The following SUPT20H variants were observed in gnomAD, a reference collection of about 807,000 sequenced individuals.
The protein encoded by SUPT20H is transcription factor SPT20 homolog.
SUPT20H carries 82 observed loss-of-function variants against 122.8 expected under a neutral mutation model. That is an observed-to-expected ratio of 0.67 (90% CI 0.56 to 0.80). SUPT20H has a LOEUF of 0.80. Among genes scored for constraint, SUPT20H ranks in the 30% least tolerant of loss-of-function variants. SUPT20H has a pLI of 0.00. For missense variants in SUPT20H, 831 were observed against 921.6 expected, an observed-to-expected ratio of 0.90 and a Z score of 1.27; for synonymous variants, 291 against 313.0, an observed-to-expected ratio of 0.93 and a Z score of 0.74.
intron 20 of SUPT20H, 147 bp downstream of exon 20, chr13:37,021,864 G>T: frequency 1.0e-6 from 1 of 965,550 alleles, no homozygotes; most frequent in Non-Finnish European, 1.5e-6. Context: ...AAACATACAT[G>T]GTCAGGCAGC....
chr13:37,048,163 T>C lies in SUPT20H; in HGVS notation c.40-227A>G, dbSNP rs924728267. 4.6e-5 allele frequency among the ~76,000 whole-genome samples: 7 copies of C among 152,200 alleles called. 1 individual carries two copies. The highest frequency in any genetic ancestry group is 3.8e-4 in the East Asian group (2 of 5,198). ...TATTTCATTGCCATAAGCAAAATCA[T>C]AGTTTCACAACCATGACTTCACAGG... On this transcript the variant is annotated intron_variant, in intron 3 of 25. Coordinates refer to ENST00000350612, the MANE Select transcript of SUPT20H (RefSeq NM_001014286.3).
chr13:37,021,444 T>G lies in SUPT20H; in HGVS notation c.1816+4A>C. ...TTAGAGGTTATTATTTCCAACATTCTGACCTGCTTGAGAAGCTGCCTGCAT... is the reference window on the plus strand; with the variant it reads ...TTAGAGGTTATTATTTCCAACATTCGGACCTGCTTGAGAAGCTGCCTGCAT... On this transcript the variant is annotated splice_donor_region_variant and intron_variant, in intron 21 of 25. Coordinates refer to ENST00000350612, the MANE Select transcript of SUPT20H (RefSeq NM_001014286.3). 6.2e-7 allele frequency: 1 copy of G among 1,601,276 alleles called. No homozygotes were observed. Among genetic ancestry groups the G allele is most frequent in the Admixed American group, 1.7e-5 (1 of 57,482 alleles).
rs1364400750 is a variant in SUPT20H at position 37,059,638 on chromosome 13, T to G, written c.-173A>C. The G allele has an allele frequency of 2.0e-5, 3 of 152,288 alleles. No homozygotes were observed. Among genetic ancestry groups the G allele is most frequent in the Non-Finnish European group, 4.4e-5 (3 of 68,064 alleles). The allele number at this position is 152,288 out of a possible 1,614,324, so 9.4% of individuals were successfully genotyped here. ...AAAGCCCACCCGCCCCGTCGGCGGCTCAGTGCTGCACCCCCACCAACAGCC... is the reference window on the plus strand; with the variant it reads ...AAAGCCCACCCGCCCCGTCGGCGGCGCAGTGCTGCACCCCCACCAACAGCC... On this transcript the variant is annotated 5_prime_UTR_variant, in exon 1 of 26. Coordinates refer to ENST00000350612, the MANE Select transcript of SUPT20H (RefSeq NM_001014286.3).
chr13:37,011,059 C>T (rs1357664105), intron 24 of SUPT20H, among the ~76,000 whole-genome samples: 2 of 152,140 alleles, frequency 1.3e-5, no homozygotes, highest in Non-Finnish European at 2.9e-5. Context: ...TTGCTTTAAA[C>T]AAAAGATGCT....
At chr13:37,058,160 G>A (rs557289913) in intron 1 of SUPT20H, among the ~76,000 whole-genome samples, 5 of 152,098 alleles carry the variant, frequency 3.3e-5, no homozygotes, top group South Asian at 2.1e-4. Context: ...CAGCTACTCC[G>A]GAGGCTGAGG....
intron 1 of SUPT20H, among the ~76,000 whole-genome samples, chr13:37,056,240 T>G (rs2068996279): frequency 6.6e-6 from 1 of 152,190 alleles, no homozygotes; most frequent in South Asian, 2.1e-4. Context: ...AGAAATACCA[T>G]TTGACCCAGC....
intron 23 of SUPT20H, chr13:37,013,972 C>T (rs909436442): frequency 6.6e-6 from 1 of 151,948 alleles, no homozygotes; most frequent in African/African-American, 2.4e-5. Flanking sequence ...CAAAGCACTC[C>T]ACAAACCTAA....
chr13:37,044,492 G>C (rs1319178699), intron 6 of SUPT20H, among the ~76,000 whole-genome samples: 1 of 152,016 alleles, frequency 6.6e-6, no homozygotes, highest in Non-Finnish European at 1.5e-5. Context: ...GTTCACTGAA[G>C]ACCAATTAAT....
At chr13:37,056,979 C>G (rs1344492423) in intron 1 of SUPT20H, 1 of 152,152 alleles carries the variant, frequency 6.6e-6, no homozygotes, top group Non-Finnish European at 1.5e-5. Context: ...CTCACTCTGC[C>G]TAGCAAAGGA....
intron 23 of SUPT20H, among the ~76,000 whole-genome samples, chr13:37,014,565 G>A (rs111435088): frequency 6.6e-6 from 1 of 152,064 alleles, no homozygotes; most frequent in East Asian, 1.9e-4. Context: ...ACTGCAGAAA[G>A]ATATTTGGAA....
chr13:37,034,576 T>A (rs1333963682), intron 9 of SUPT20H, among the ~76,000 whole-genome samples: 1 of 152,204 alleles, frequency 6.6e-6, no homozygotes, highest in African/African-American at 2.4e-5. Flanking sequence ...GCTGTCTCCA[T>A]AACACAAAAG....
intron 1 of SUPT20H, 135 bp downstream of exon 1, chr13:37,059,424 C>T (rs1478694311): frequency 6.6e-6 from 1 of 152,340 alleles, no homozygotes; most frequent in African/African-American, 2.4e-5. Context: ...CCCGGCCTGC[C>T]GGGTCTCTGG....
At chr13:37,026,640 A>G (rs765192750) in intron 15 of SUPT20H, 150 bp downstream of exon 15, 1 of 506,766 alleles carries the variant, frequency 2.0e-6, no homozygotes, top group Non-Finnish European at 3.4e-6. Flanking sequence ...GTTACTATTA[A>G]TGTCTACATA....
At position 37,059,554 on chromosome 13, in the gene SUPT20H, C is replaced by T. The variant is rs986931630; in HGVS notation, c.-94+5G>A. 6.6e-6 allele frequency: 1 copy of T among 152,524 alleles called. No homozygotes were observed. Among genetic ancestry groups the T allele is most frequent in the African/African-American group, 2.4e-5 (1 of 41,482 alleles). The allele number at this position is 152,524 out of a possible 1,614,324, so 9.4% of individuals were successfully genotyped here. A position where few individuals can be genotyped will look rare whatever the true frequency, so the allele number is the denominator to read the frequency against. ...GCTGGCCACCCACCTACCGCCACCG[C>T]CCACCTGTGCGGGTCGCCTCGCCGC... On this transcript the variant is annotated splice_donor_5th_base_variant and intron_variant, in intron 1 of 25. Transcript: ENST00000350612.
chr13:37,028,165 G>C lies in SUPT20H; in HGVS notation c.1134C>G (p.Ser378Arg). Residue 378 changes from serine (S) to arginine (R), a missense_variant, in exon 14 of 26, where the codon AGC becomes AGG. Coordinates refer to ENST00000350612, the MANE Select transcript of SUPT20H (RefSeq NM_001014286.3). ...GAACTCACTGTGATGGAGACATCTG[G>C]CTGTCACTTTCTTCATCTGCTTTAC... ...QPCKADEESD[S>R]QMSPSHSSTD... 9 of 1,606,720 alleles carry C rather than the reference G, an allele frequency of 5.6e-6. No homozygotes were observed. The highest frequency in any genetic ancestry group is 7.6e-6 in the Non-Finnish European group (9 of 1,177,306).
chr13:37,028,345 G>A (rs749048282), intron 13 of SUPT20H, 40 bp from the exon 14 acceptor site: 2 of 1,561,474 alleles, frequency 1.3e-6, no homozygotes, highest in Non-Finnish European at 1.7e-6. Context: ...ACCTTCACAA[G>A]TAGGCAGGCA....
intron 20 of SUPT20H, among the ~76,000 whole-genome samples, 154 bp downstream of exon 20, chr13:37,021,857 C>T (rs1201299919): frequency 6.6e-6 from 1 of 152,122 alleles, no homozygotes; most frequent in Admixed American, 6.5e-5. Flanking sequence ...AAAATTAAAA[C>T]ATACATGGTC....
intron 10 of SUPT20H, among the ~76,000 whole-genome samples, chr13:37,032,310 T>C (rs774471970): frequency 1.9e-4 from 29 of 151,838 alleles, no homozygotes; most frequent in African/African-American, 7.0e-4. Context: ...GAATTAGCTA[T>C]GGAAAGATGG....
Position 37,009,773 on chromosome 13 carries a change from C to T in SUPT20H, c.2239G>A (p.Ala747Thr). ...AGCTGAGCTGTTTGTGCTGCTGCTG[C>T]TGCCATAGCCATTTGATGCTGCAAG... ...RFLQHQMAMA[A>T]AAAQTAQLHH... The change falls in exon 26 of 26, where the codon GCA becomes ACA. Residue 747 changes from alanine to threonine, a missense_variant. Ala to Thr is a moderately conservative substitution (Grantham distance 58). Transcript: ENST00000350612. 4 of 1,612,800 alleles carry T rather than the reference C, an allele frequency of 2.5e-6. No individual in the cohort carries two copies. Among genetic ancestry groups the T allele is most frequent in the Non-Finnish European group, 3.4e-6 (4 of 1,179,714 alleles).
Sources: gnomAD v4.1 joint callset for allele counts (sites outside exome capture counted in the v4.1 genomes callset) on GRCh38, gnomAD v4.1.1 for gene constraint, MANE v1.5 for transcripts, NCBI Gene and HGNC (gene_info 2026-07-23, HGNC 2026-07-21) for gene names.